PTPN2: variants seen among roughly 807,000 people sequenced by gnomAD.
PTPN2 encodes the protein protein tyrosine phosphatase non-receptor type 2, also known as tyrosine-protein phosphatase non-receptor type 2.
Under a neutral mutation model 57.3 loss-of-function variants are expected in PTPN2, and 19 were observed. The ratio of observed to expected loss-of-function variants is 0.33; its 90% CI spans 0.23 to 0.49. The LOEUF (loss-of-function observed/expected upper bound fraction) is 0.49, where lower values mean the gene tolerates loss of function less well. Ranked by LOEUF, PTPN2 falls within the 20% of genes least tolerant of loss-of-function variation. The probability of loss-of-function intolerance (pLI) is 0.99; values close to 1 mark genes in which losing one functional copy is unlikely to be tolerated. For missense variants in PTPN2, 358 were observed against 501.1 expected (o/e 0.71, Z 2.73); for synonymous variants, 153 against 164.9 (o/e 0.93, Z 0.55).
chr18:12,852,756 T>C (rs1282800355), intron 2 of PTPN2, among the ~76,000 whole-genome samples: 1 of 152,258 alleles, frequency 6.6e-6, no homozygotes, highest in East Asian at 1.9e-4. Context: ...AGTTTCCATA[T>C]GTCAGTCTGA....
chr18:12,813,098 A>T (rs2041952362), intron 7 of PTPN2, among the ~76,000 whole-genome samples: 1 of 152,052 alleles, frequency 6.6e-6, no homozygotes, highest in Non-Finnish European at 1.5e-5. Flanking sequence ...CCGTCTCATC[A>T]CAGCCAGGAA....
At chr18:12,877,861 A>T (rs1473532966) in intron 1 of PTPN2, among the ~76,000 whole-genome samples, 1 of 151,842 alleles carries the variant, frequency 6.6e-6, no homozygotes, top group Admixed American at 6.6e-5. Flanking sequence ...AATACAAAAA[A>T]TTAGCCTGGC....
intron 7 of PTPN2, among the ~76,000 whole-genome samples, chr18:12,813,079 C>T (rs973011227): frequency 3.3e-5 from 5 of 152,018 alleles, no homozygotes; most frequent in African/African-American, 7.2e-5. Flanking sequence ...ACATTTCCCT[C>T]CCAGTTACCC....
At chr18:12,871,939 T>G (rs2044279787) in intron 1 of PTPN2, among the ~76,000 whole-genome samples, 1 of 151,784 alleles carries the variant, frequency 6.6e-6, no homozygotes, top group Non-Finnish European at 1.5e-5. Flanking sequence ...TCCCAGCTAC[T>G]GAGGAGGCTG....
At chr18:12,862,129 G>A (rs1275011880) in intron 1 of PTPN2, 1 of 5,468 alleles carries the variant, frequency 1.8e-4, no homozygotes, top group African/African-American at 2.0e-4. Flanking sequence ...GCATATTAGC[G>A]TTTATTCCAA....
downstream of PTPN2, among the ~76,000 whole-genome samples, chr18:12,788,539 C>A (rs537705424): frequency 8.7e-5 from 13 of 149,036 alleles, no homozygotes; most frequent in Middle Eastern, 3.4e-3. Flanking sequence ...TCCCAAAGTA[C>A]TGGGATTACA....
downstream of PTPN2, among the ~76,000 whole-genome samples, chr18:12,788,432 CTTTTT>C (rs71174142): frequency 1.4e-3 from 125 of 90,104 alleles, 1 homozygote; most frequent in African/African-American, 5.5e-3. Context: ...GGGATCAGGG[CTTTTT>C]TTTTTTTTTT....
In PTPN2 at chr18:12,794,231, G is replaced by A; in HGVS notation, c.*47C>T. The A allele has an allele frequency of 6.2e-7, 1 of 1,611,514 alleles. No individual in the cohort carries two copies. The highest frequency in any genetic ancestry group is 8.5e-7 in the Non-Finnish European group (1 of 1,178,862). ...CAGACAAACCCCTATGATTAATGTA[G>A]CACTGTCAGTTACTAGTGCAGAAGC... On this transcript the variant is annotated 3_prime_UTR_variant, in exon 9 of 9. Transcript: ENST00000309660.
At chr18:12,835,823 T>C (rs2042843657) in intron 3 of PTPN2, among the ~76,000 whole-genome samples, 2 of 152,208 alleles carry the variant, frequency 1.3e-5, no homozygotes, top group South Asian at 2.1e-4. Context: ...GAATGGAGCA[T>C]TTCTTCATGT....
At chr18:12,801,892 T>A in intron 8 of PTPN2, 78 bp downstream of exon 8, 2 of 1,304,086 alleles carry the variant, frequency 1.5e-6, no homozygotes, top group Non-Finnish European at 2.1e-6. Context: ...CCTGAAATCC[T>A]ATGGCACCTG....
chr18:12,865,485 G>A (rs1024940532), intron 1 of PTPN2, among the ~76,000 whole-genome samples: 3 of 151,290 alleles, frequency 2.0e-5, no homozygotes, highest in African/African-American at 4.9e-5. Flanking sequence ...GCTCATGCCT[G>A]TAATCCTAGC....
chr18:12,875,249 T>C (rs2044447551), intron 1 of PTPN2, among the ~76,000 whole-genome samples: 1 of 151,822 alleles, frequency 6.6e-6, no homozygotes, highest in South Asian at 2.1e-4. Flanking sequence ...CCCTTCACTA[T>C]TGTCCTATGA....
intron 5 of PTPN2, among the ~76,000 whole-genome samples, chr18:12,822,675 C>T (rs1011402178): frequency 6.6e-6 from 1 of 152,122 alleles, no homozygotes; most frequent in Non-Finnish European, 1.5e-5. Context: ...TGCACCCCAG[C>T]GACTCCAATA....
intron 5 of PTPN2, among the ~76,000 whole-genome samples, chr18:12,818,140 C>T (rs2145321203): frequency 6.6e-6 from 1 of 151,788 alleles, no homozygotes; most frequent in African/African-American, 2.4e-5. Flanking sequence ...GAAACTCCAT[C>T]TTCAAAAAAA....
intron 2 of PTPN2, among the ~76,000 whole-genome samples, chr18:12,838,214 G>C (rs755833314): frequency 2.0e-5 from 3 of 152,100 alleles, no homozygotes; most frequent in Non-Finnish European, 4.4e-5. Flanking sequence ...TGTAATCACA[G>C]AAAGAACACT....
chr18:12,835,767 A>G (rs1411064562), intron 3 of PTPN2, among the ~76,000 whole-genome samples: 1 of 152,142 alleles, frequency 6.6e-6, no homozygotes, highest in African/African-American at 2.4e-5. Flanking sequence ...ATACACTTTG[A>G]AATCTCTCCT....
chr18:12,792,150 CAT>C, exon 9 of PTPN2: 1 of 836,562 alleles, frequency 1.2e-6, no homozygotes, highest in Non-Finnish European at 1.4e-6. Context: ...GACACAGGCA[CAT>C]GTTATATAAA....
At chr18:12,852,572 G>A (rs2043435807) in intron 2 of PTPN2, among the ~76,000 whole-genome samples, 1 of 152,168 alleles carries the variant, frequency 6.6e-6, no homozygotes, top group Non-Finnish European at 1.5e-5. Context: ...CTGGAGTGCA[G>A]TGGCACAATC....
chr18:12,790,738 G>A (rs1039272322), downstream of PTPN2, among the ~76,000 whole-genome samples: 2 of 152,114 alleles, frequency 1.3e-5, no homozygotes, highest in African/African-American at 2.4e-5. Flanking sequence ...CACATTTTTC[G>A]ATTCATACCA....
Sources: gnomAD v4.1 joint callset for allele counts (sites outside exome capture counted in the v4.1 genomes callset) on GRCh38, gnomAD v4.1.1 for gene constraint, MANE v1.5 for transcripts, NCBI Gene and HGNC (gene_info 2026-07-23, HGNC 2026-07-21) for gene names.